The following CNTN5 variants were observed in gnomAD, a reference collection of about 807,000 sequenced individuals.
CNTN5 encodes the protein contactin-5.
A neutral mutation model predicts 129.1 loss-of-function variants in CNTN5; 77 were observed. The ratio of observed to expected loss-of-function variants is 0.60; its 90% CI spans 0.50 to 0.72. The LOEUF (loss-of-function observed/expected upper bound fraction) is 0.72, where lower values mean the gene tolerates loss of function less well. CNTN5 is among the 30% of genes least tolerant of loss of function. The pLI is 0.00. For missense variants in CNTN5, 1,478 were observed against 1,328.8 expected, an observed-to-expected ratio of 1.11 and a Z score of -1.75; for synonymous variants, 509 against 465.6, an observed-to-expected ratio of 1.09 and a Z score of -1.20.
chr11:99,614,652 A>G (rs892694373), intron 3 of CNTN5, among the ~76,000 whole-genome samples: 1 of 152,240 alleles, frequency 6.6e-6, no homozygotes, highest in Non-Finnish European at 1.5e-5. Context: ...TGTTTCTGCG[A>G]CAATCTGTTA....
intron 9 of CNTN5, among the ~76,000 whole-genome samples, chr11:100,019,968 T>A (rs1941039858): frequency 6.6e-6 from 1 of 152,036 alleles, no homozygotes; most frequent in African/African-American, 2.4e-5. Context: ...TATTCAATCC[T>A]TGGCTCATTT....
chr11:99,290,134 G>A (rs1864107788), intron 1 of CNTN5, among the ~76,000 whole-genome samples: 1 of 151,542 alleles, frequency 6.6e-6, no homozygotes, highest in South Asian at 2.1e-4. Flanking sequence ...AATAAACTTA[G>A]GACCCTTATA....
intron 3 of CNTN5, among the ~76,000 whole-genome samples, chr11:99,677,384 C>T (rs904384847): frequency 7.8e-4 from 119 of 152,144 alleles, no homozygotes; most frequent in African/African-American, 2.8e-3. Flanking sequence ...ATCCAAAGGA[C>T]AAGAATGTAA....
At chr11:99,852,370 G>A (rs187799483) in intron 6 of CNTN5, among the ~76,000 whole-genome samples, 3 of 152,152 alleles carry the variant, frequency 2.0e-5, no homozygotes, top group East Asian at 1.9e-4. Flanking sequence ...TATAGATGGT[G>A]TCTAGCTATT....
chr11:100,028,329 AT>A (rs1020200812), intron 9 of CNTN5, among the ~76,000 whole-genome samples: 6 of 152,172 alleles, frequency 3.9e-5, no homozygotes, highest in African/African-American at 1.4e-4. Context: ...TATCAGTTCA[AT>A]TATCTGCCAC....
chr11:99,158,715 C>T (rs1033817209), intron 1 of CNTN5, among the ~76,000 whole-genome samples: 1 of 152,016 alleles, frequency 6.6e-6, no homozygotes, highest in Non-Finnish European at 1.5e-5. Context: ...TTACAGACAA[C>T]GTAATTCTCT....
chr11:100,150,184 G>C (rs1947007948), intron 13 of CNTN5, among the ~76,000 whole-genome samples: 1 of 152,074 alleles, frequency 6.6e-6, no homozygotes, highest in African/African-American at 2.4e-5. Flanking sequence ...CCTATAGAGA[G>C]AAGATTTTTC....
At chr11:99,719,134 A>G (rs1448666937) in intron 3 of CNTN5, among the ~76,000 whole-genome samples, 1 of 152,012 alleles carries the variant, frequency 6.6e-6, no homozygotes, top group Admixed American at 6.6e-5. Context: ...CCTGGACAAC[A>G]TTAATGAAAC....
At chr11:100,255,639 C>T in intron 16 of CNTN5, 121 bp from the exon 17 acceptor site, 2 of 833,600 alleles carry the variant, frequency 2.4e-6, no homozygotes, top group Non-Finnish European at 3.5e-6. Flanking sequence ...ATTTTAATTA[C>T]TAAATTCATA....
chr11:99,950,574 C>T (rs769469163), intron 7 of CNTN5, among the ~76,000 whole-genome samples: 1 of 152,190 alleles, frequency 6.6e-6, no homozygotes, highest in Non-Finnish European at 1.5e-5. Context: ...TCAGGATCTT[C>T]GTCTCTGGTT....
At chr11:99,341,577 A>G (rs75237961) in intron 2 of CNTN5, among the ~76,000 whole-genome samples, 15,094 of 152,200 alleles carry the variant, frequency 0.099, 774 homozygotes, top group South Asian at 0.14. Context: ...CAGAATATTT[A>G]CCAAACTGGA....
chr11:99,628,191 A>C (rs191592059), intron 3 of CNTN5, among the ~76,000 whole-genome samples: 2 of 151,842 alleles, frequency 1.3e-5, no homozygotes, highest in African/African-American at 4.8e-5. Context: ...ATTTATCATC[A>C]TTATCACTCA....
intron 6 of CNTN5, among the ~76,000 whole-genome samples, chr11:99,900,537 T>C (rs1435691146): frequency 1.3e-5 from 2 of 149,598 alleles, no homozygotes; most frequent in African/African-American, 5.1e-5. Flanking sequence ...ATTTCTACTT[T>C]CATTCATTAA....
intron 2 of CNTN5, among the ~76,000 whole-genome samples, chr11:99,408,490 G>C (rs1379116860): frequency 6.8e-6 from 1 of 146,580 alleles, no homozygotes; most frequent in Non-Finnish European, 1.5e-5. Flanking sequence ...AAGAAAGAAA[G>C]AAAGAAAGAA....
rs150331773 is a variant in CNTN5, at chr11:100,056,503, A to G, written c.981-4709A>G. 1.1e-3 allele frequency among the ~76,000 whole-genome samples: 168 copies of G among 151,844 alleles called. 1 individual carries two copies. Among genetic ancestry groups the G allele is most frequent in the African/African-American group, 4.0e-3 (165 of 41,536 alleles). ...TAATGGAGTGTTTCTTAAAAGGATA[A>G]CTTAAAGCAAAAATTAGAAAGAGGG... On this transcript the variant is annotated intron_variant, in intron 9 of 24. Transcript: ENST00000524871.
At chr11:99,120,733 G>A (rs777205145) in intron 1 of CNTN5, among the ~76,000 whole-genome samples, 14 of 152,122 alleles carry the variant, frequency 9.2e-5, no homozygotes, top group Non-Finnish European at 1.8e-4. Context: ...AGGGTCAGGT[G>A]AGTATATTGT....
At chr11:99,510,282 G>T (rs549188205) in intron 2 of CNTN5, among the ~76,000 whole-genome samples, 6 of 152,106 alleles carry the variant, frequency 3.9e-5, no homozygotes, top group Non-Finnish European at 7.4e-5. Context: ...CGGATTGAAA[G>T]ATTTATCTGT....
At chr11:99,689,318 G>A (rs1953931025) in intron 3 of CNTN5, among the ~76,000 whole-genome samples, 1 of 151,926 alleles carries the variant, frequency 6.6e-6, no homozygotes, top group Non-Finnish European at 1.5e-5. Flanking sequence ...ACAAGGTCAG[G>A]AGATCGAGAC....
At chr11:99,255,485 A>G (rs1862332690) in intron 1 of CNTN5, among the ~76,000 whole-genome samples, 1 of 150,390 alleles carries the variant, frequency 6.6e-6, no homozygotes, top group Non-Finnish European at 1.5e-5. Flanking sequence ...TTACACTAAT[A>G]TAATTAATAA....
Sources: gnomAD v4.1 joint callset for allele counts (sites outside exome capture counted in the v4.1 genomes callset) on GRCh38, gnomAD v4.1.1 for gene constraint, MANE v1.5 for transcripts, NCBI Gene and HGNC (gene_info 2026-07-23, HGNC 2026-07-21) for gene names.